NCAPD3: variants seen among roughly 807,000 people sequenced by gnomAD.
NCAPD3 encodes condensin-2 complex subunit D3.
In NCAPD3, 105 loss-of-function variants were observed where a neutral mutation model predicts 182.9. That is an observed-to-expected ratio of 0.57 (90% CI 0.49 to 0.68). The LOEUF (loss-of-function observed/expected upper bound fraction) is 0.68, where lower values mean the gene tolerates loss of function less well. NCAPD3 is among the 30% of genes least tolerant of loss of function. The probability of loss-of-function intolerance (pLI) is 0.00; values close to 1 mark genes in which losing one functional copy is unlikely to be tolerated. For synonymous variants in NCAPD3, 815 were observed against 679.9 expected (o/e 1.20, Z -3.09); for missense variants, 1,944 against 1,837.0 (o/e 1.06, Z -1.07).
intron 1 of NCAPD3, among the ~76,000 whole-genome samples, chr11:134,222,733 G>A (rs1938280120): frequency 6.6e-6 from 1 of 152,230 alleles, no homozygotes; most frequent in Admixed American, 6.5e-5. Context: ...GAATGTAAGA[G>A]TTTTGCCAGG....
intron 32 of NCAPD3, 45 bp downstream of exon 32, chr11:134,156,973 A>T: frequency 6.7e-7 from 1 of 1,493,910 alleles, no homozygotes; most frequent in Non-Finnish European, 9.3e-7. Flanking sequence ...TCACGAATGC[A>T]GGAGAGACTG....
chr11:134,181,692 C>T (rs1350477763), intron 19 of NCAPD3, among the ~76,000 whole-genome samples: 2 of 152,194 alleles, frequency 1.3e-5, no homozygotes, highest in African/African-American at 4.8e-5. Context: ...TTCTAGTGCA[C>T]ATTGGACTGT....
chr11:134,192,835 G>T lies in NCAPD3; in HGVS notation c.1899C>A (p.Ser633Arg), dbSNP rs1944552829. 6.2e-7 allele frequency: 1 copy of T among 1,614,026 alleles called. No individual in the cohort carries two copies. ...ACTCCAGGGCCTTCTCCTGCACAGT[G>T]CTCTCGCAGTCCATCACCACCGGGA... ...GVVPVVMDCE[S>R]TVQEKALEFL... Residue 633 changes from serine (S) to arginine (R), a missense_variant, in exon 16 of 35, where the codon AGC (serine) becomes AGA (arginine). Around this residue, in one of 3 missense-constraint regions of NCAPD3, gnomAD observed 1,803 missense variants for 1,674.6 expected, o/e 1.08. Coordinates refer to ENST00000534548, the MANE Select transcript of NCAPD3 (RefSeq NM_015261.3).
intron 29 of NCAPD3, 64 bp from the exon 30 acceptor site, chr11:134,158,559 T>G: frequency 1.3e-6 from 2 of 1,520,408 alleles, no homozygotes. Context: ...AACGGATATA[T>G]GATAGTTGTA....
At chr11:134,167,043 GCA>G (rs1367931380) in intron 27 of NCAPD3, among the ~76,000 whole-genome samples, 1 of 105,766 alleles carries the variant, frequency 9.5e-6, no homozygotes, top group Non-Finnish European at 1.8e-5. Context: ...TGGGGGAGCT[GCA>G]CACTCACTAG....
At chr11:134,175,187 C>A (rs1188570516) in intron 24 of NCAPD3, among the ~76,000 whole-genome samples, 6 of 152,168 alleles carry the variant, frequency 3.9e-5, no homozygotes, top group Non-Finnish European at 1.5e-5. Flanking sequence ...CATATAGGGG[C>A]TAACAACAGC....
At position 134,158,437 on chromosome 11, in the gene NCAPD3, G is replaced by A; in HGVS notation, c.3926C>T (p.Ser1309Leu). 1 of 1,614,198 alleles carries A rather than the reference G, an allele frequency of 6.2e-7. No homozygotes were observed. The highest frequency in any genetic ancestry group is 8.5e-7 in the Non-Finnish European group (1 of 1,180,034). Residue 1309 changes from serine (S) to leucine (L), a missense_variant, in exon 30 of 35, where the codon TCA (serine) becomes TTA (leucine). Physicochemically the swap from Ser to Leu is moderately radical, Grantham distance 145. This residue lies in a region of NCAPD3 where 1,803 missense variants were observed against 1,674.6 expected (regional missense o/e 1.08). Transcript: ENST00000534548. ...VPAGQENPAMSPAVSQPCTPR... is the reference protein window; with the variant it reads ...VPAGQENPAMLPAVSQPCTPR... ...TGTGCAGGGCTGGCTCACGGCAGGTGACATGGCAGGGTTTTCTTGGCCAGC... is the reference window on the plus strand; with the variant it reads ...TGTGCAGGGCTGGCTCACGGCAGGTAACATGGCAGGGTTTTCTTGGCCAGC...
Position 134,216,918 on chromosome 11 carries a change from C to T in NCAPD3, c.382+18G>A, listed in dbSNP as rs757028364. The stretch of plus-strand genomic sequence containing the variant: ...AAAAATGACAGAAGATTTATCCTAT[C>T]ATATCAGGTCTACATACCTGGTACT... On this transcript the variant is annotated intron_variant, in intron 3 of 34. Transcript: ENST00000534548. The T allele has an allele frequency of 2.4e-5, 38 of 1,579,314 alleles. No homozygotes were observed. The South Asian group carries it at 4.3e-4, about 18-fold the overall frequency.
At chr11:134,223,422 G>A (rs910472733) in intron 1 of NCAPD3, 1 of 702,488 alleles carries the variant, frequency 1.4e-6, no homozygotes, top group African/African-American at 1.7e-5. Flanking sequence ...CAGGCTTTGG[G>A]AATCCCATTT....
At chr11:134,224,392 T>C (rs1938370038), upstream of NCAPD3, 4 of 205,226 alleles carry the variant, frequency 1.9e-5, no homozygotes, top group Admixed American at 1.7e-4. Flanking sequence ...CCAACGTGTA[T>C]CGAGCTAAAG....
rs907865637 is a variant in NCAPD3 at position 134,152,855 on chromosome 11, G to C, written c.*89C>G. On this transcript the variant is annotated 3_prime_UTR_variant, in exon 35 of 35. Coordinates refer to ENST00000534548, the MANE Select transcript of NCAPD3 (RefSeq NM_015261.3). ...CAGCAAAGCGCTGCCCAAGGACTGC[G>C]GGAAGTGATCCAGCTGCCTTCACAC... 3 of 1,064,964 alleles carry C rather than the reference G, an allele frequency of 2.8e-6. No homozygotes were observed. The highest frequency in any genetic ancestry group is 4.7e-5 in the Admixed American group (2 of 42,628). 66.0% of individuals were successfully genotyped at this position (1,064,964 alleles called of 1,614,324 possible). A position where few individuals can be genotyped will look rare whatever the true frequency, so the allele number is the denominator to read the frequency against.
chr11:134,168,698 A>G, intron 25 of NCAPD3, 96 bp from the exon 26 acceptor site: 1 of 1,531,966 alleles, frequency 6.5e-7, no homozygotes, highest in Middle Eastern at 1.7e-4. Flanking sequence ...CTGCATGCCA[A>G]AGACTCCAGT....
Position 134,152,787 on chromosome 11 carries a change from G to A in NCAPD3, c.*157C>T. ...TTAACCAAATACATCATACAGAATA[G>A]AAGGTGAGTGCCAGGCCCCTGAGGA... is the stretch of plus-strand genomic sequence containing the variant. On this transcript the variant is annotated 3_prime_UTR_variant, in exon 35 of 35. Transcript: ENST00000534548. 1 of 607,386 alleles carries A rather than the reference G, an allele frequency of 1.6e-6. No individual in the cohort carries two copies. The highest frequency in any genetic ancestry group is 2.9e-6 in the Non-Finnish European group (1 of 344,706). 37.6% of individuals were successfully genotyped at this position (607,386 alleles called of 1,614,324 possible).
chr11:134,157,804 C>G, intron 31 of NCAPD3, 124 bp downstream of exon 31: 1 of 1,093,194 alleles, frequency 9.1e-7, no homozygotes, highest in Non-Finnish European at 1.3e-6. Context: ...TCCTAAAAGC[C>G]CAATTAACGT....
At chr11:134,195,292 C>A (rs1019302658) in intron 13 of NCAPD3, among the ~76,000 whole-genome samples, 1 of 151,886 alleles carries the variant, frequency 6.6e-6, no homozygotes, top group Admixed American at 6.6e-5. Context: ...AGAGACAGGA[C>A]CTTGCTGTGT....
Position 134,223,568 on chromosome 11 carries a change from G to A in NCAPD3, c.64+295C>T. 3 of 685,302 alleles carry A rather than the reference G, an allele frequency of 4.4e-6. No individual in the cohort carries two copies. The South Asian group carries it at 4.5e-5, about 10-fold the overall frequency. The allele number at this position is 685,302 out of a possible 1,614,324, so 42.5% of individuals were successfully genotyped here. ...CATCTTAATAGGTAAGAATAGATAGGTGCACGAAGACACGCACAGGAAGAA... is the reference window on the plus strand; with the variant it reads ...CATCTTAATAGGTAAGAATAGATAGATGCACGAAGACACGCACAGGAAGAA... On this transcript the variant is annotated intron_variant, in intron 1 of 34. Coordinates refer to ENST00000534548, the MANE Select transcript of NCAPD3 (RefSeq NM_015261.3).
chr11:134,155,366 C>T (rs557221931), intron 32 of NCAPD3, among the ~76,000 whole-genome samples: 8 of 152,164 alleles, frequency 5.3e-5, no homozygotes, highest in Non-Finnish European at 1.2e-4. Context: ...TGCTTTTAAA[C>T]TATCTAACAG....
chr11:134,188,911 A>T (rs1944468440), intron 16 of NCAPD3, among the ~76,000 whole-genome samples: 1 of 152,224 alleles, frequency 6.6e-6, no homozygotes, highest in African/African-American at 2.4e-5. Flanking sequence ...GGTCACAGCC[A>T]AGGAGAGAAG....
intron 19 of NCAPD3, among the ~76,000 whole-genome samples, chr11:134,183,383 C>CA (rs1944336834): frequency 6.6e-6 from 1 of 152,132 alleles, no homozygotes; most frequent in Admixed American, 6.5e-5. Flanking sequence ...GCCTGGCCAA[C>CA]ATGGTGAAAC....
Sources: gnomAD v4.1 joint callset for allele counts (sites outside exome capture counted in the v4.1 genomes callset) on GRCh38, gnomAD v4.1.1 for gene constraint, gnomAD v4.1.1 regional missense constraint, MANE v1.5 for transcripts, NCBI Gene and HGNC (gene_info 2026-07-23, HGNC 2026-07-21) for gene names.